The following FYN variants were observed in gnomAD, a reference collection of about 807,000 sequenced individuals.
FYN encodes FYN proto-oncogene, Src family tyrosine kinase.
A neutral mutation model predicts 70.2 loss-of-function variants in FYN; 10 were observed. That is an observed-to-expected ratio of 0.14 (90% CI 0.09 to 0.24). The LOEUF is 0.24. Among genes scored for constraint, FYN ranks in the 10% least tolerant of loss-of-function variants. The pLI is 1.00. For synonymous variants in FYN, 236 were observed against 248.6 expected, an observed-to-expected ratio of 0.95 and a Z score of 0.48; for missense variants, 319 against 673.1, an observed-to-expected ratio of 0.47 and a Z score of 5.82.
intron 2 of FYN, among the ~76,000 whole-genome samples, chr6:111,784,888 C>T (rs1771306666): frequency 1.3e-5 from 2 of 152,220 alleles, no homozygotes; most frequent in Non-Finnish European, 2.9e-5. Context: ...TTATTAAAGA[C>T]CTTTCTGAGG....
At chr6:111,773,554 GCAGAGGA>G (rs1803564000) in intron 3 of FYN, among the ~76,000 whole-genome samples, 5 of 36,198 alleles carry the variant, frequency 1.4e-4, no homozygotes, top group African/African-American at 2.1e-4. Context: ...AGAGGGAGAC[GCAGAGGA>G]GGGAGAGGGA....
At chr6:111,781,053 A>C (rs1771151745) in intron 2 of FYN, 1 of 152,068 alleles carries the variant, frequency 6.6e-6, no homozygotes, top group Non-Finnish European at 1.5e-5. Flanking sequence ...CAGTTTTCCT[A>C]ACCTTTCTTT....
intron 3 of FYN, among the ~76,000 whole-genome samples, chr6:111,724,625 A>C (rs1801113848): frequency 6.6e-6 from 1 of 152,238 alleles, no homozygotes; most frequent in South Asian, 2.1e-4. Flanking sequence ...CTCTTGAGAC[A>C]CATACACTTG....
At chr6:111,767,683 G>A (rs1162116134) in intron 3 of FYN, among the ~76,000 whole-genome samples, 4 of 152,122 alleles carry the variant, frequency 2.6e-5, no homozygotes, top group Non-Finnish European at 5.9e-5. Flanking sequence ...TACAGGCATG[G>A]GTCACCCTGC....
chr6:111,809,275 C>T (rs9481192), intron 2 of FYN, among the ~76,000 whole-genome samples: 47,534 of 152,110 alleles, frequency 0.31, 12,152 homozygotes, highest in African/African-American at 0.71. Context: ...ACACAACTAA[C>T]GTCAGTTCCA....
chr6:111,835,505 AAC>A (rs1332874075), intron 2 of FYN, among the ~76,000 whole-genome samples: 17 of 152,246 alleles, frequency 1.1e-4, no homozygotes, highest in African/African-American at 3.6e-4. Context: ...TCGCCATGAG[AAC>A]ACACCTGAAC....
At chr6:111,708,902 C>A (rs1299547471) in intron 5 of FYN, 1 of 152,268 alleles carries the variant, frequency 6.6e-6, no homozygotes, top group East Asian at 1.9e-4. Flanking sequence ...CCAGTGAGTA[C>A]ATTAAGCAGT....
chr6:111,796,576 A>G (rs1184125301), intron 2 of FYN, among the ~76,000 whole-genome samples: 1 of 152,218 alleles, frequency 6.6e-6, no homozygotes, highest in East Asian at 1.9e-4. Context: ...GTGACTGTAC[A>G]TAACTATCTG....
At position 111,796,054 on chromosome 6, in the gene FYN, A is replaced by G. The variant is rs79366799; in HGVS notation, c.-81-15419T>C. On this transcript the variant is annotated intron_variant, in intron 2 of 13. Coordinates refer to ENST00000354650, the MANE Select transcript of FYN (RefSeq NM_002037.5). ...TTAATAACCCAATGGCTTAGACTCT[A>G]TCACTATTTTTTTCAGTTGAAGAAT... Among the ~76,000 whole-genome samples, 550 of 152,338 alleles carry G rather than the reference A, an allele frequency of 3.6e-3. 5 individuals carry two copies. The highest frequency in any genetic ancestry group is 0.013 in the African/African-American group (537 of 41,570).
intron 12 of FYN, among the ~76,000 whole-genome samples, chr6:111,682,521 C>T (rs1310062485): frequency 2.6e-5 from 4 of 152,240 alleles, no homozygotes; most frequent in Non-Finnish European, 5.9e-5. Flanking sequence ...ATGGCATGGG[C>T]ATTTCAAATG....
chr6:111,824,626 T>C (rs1392842733), intron 2 of FYN, among the ~76,000 whole-genome samples: 2 of 152,176 alleles, frequency 1.3e-5, no homozygotes, highest in African/African-American at 4.8e-5. Flanking sequence ...GCTCACTCTG[T>C]CTCATCTATT....
At chr6:111,807,744 T>C (rs7758660) in intron 2 of FYN, among the ~76,000 whole-genome samples, 47,354 of 152,014 alleles carry the variant, frequency 0.31, 12,048 homozygotes, top group African/African-American at 0.71. Context: ...TGCATTTTCA[T>C]AACTTCCCCA....
intron 3 of FYN, among the ~76,000 whole-genome samples, chr6:111,727,452 C>T (rs1488863080): frequency 6.6e-6 from 1 of 152,136 alleles, no homozygotes; most frequent in South Asian, 2.1e-4. Context: ...CATATAATGC[C>T]TCCACCAAGC....
chr6:111,806,014 G>A (rs377515640), intron 2 of FYN, among the ~76,000 whole-genome samples: 102 of 152,206 alleles, frequency 6.7e-4, no homozygotes, highest in African/African-American at 2.4e-3. Flanking sequence ...TGTAGATAAG[G>A]GAAAAAAGGA....
chr6:111,721,895 C>G (rs1800963213), intron 3 of FYN, among the ~76,000 whole-genome samples: 1 of 152,144 alleles, frequency 6.6e-6, no homozygotes, highest in Non-Finnish European at 1.5e-5. Flanking sequence ...CAAACTAGCC[C>G]ATTTGGGACC....
chr6:111,827,660 C>T (rs575730352), intron 2 of FYN, among the ~76,000 whole-genome samples: 1 of 152,272 alleles, frequency 6.6e-6, no homozygotes, highest in Non-Finnish European at 1.5e-5. Flanking sequence ...GCCCATGCCC[C>T]CACATACCCT....
At chr6:111,707,270 G>GA (rs1385369861) in intron 6 of FYN, among the ~76,000 whole-genome samples, 1 of 152,212 alleles carries the variant, frequency 6.6e-6, no homozygotes, top group African/African-American at 2.4e-5. Flanking sequence ...TGGGTCAGAA[G>GA]AAGGGAGAAA....
intron 13 of FYN, among the ~76,000 whole-genome samples, chr6:111,668,391 A>G (rs900253276): frequency 2.0e-5 from 3 of 152,150 alleles, no homozygotes; most frequent in African/African-American, 7.2e-5. Context: ...GTTTTTATTC[A>G]GCCCATTGTA....
intron 1 of FYN, among the ~76,000 whole-genome samples, chr6:111,867,616 G>C (rs1460982109): frequency 6.6e-6 from 1 of 151,962 alleles, no homozygotes; most frequent in Non-Finnish European, 1.5e-5. Flanking sequence ...TGGACTGCTT[G>C]TCTCTACCTA....
Sources: gnomAD v4.1 joint callset for allele counts (sites outside exome capture counted in the v4.1 genomes callset) on GRCh38, gnomAD v4.1.1 for gene constraint, MANE v1.5 for transcripts, NCBI Gene and HGNC (gene_info 2026-07-23, HGNC 2026-07-21) for gene names.